The following CCDC192 variants were observed in gnomAD, a reference collection of about 807,000 sequenced individuals.
CCDC192 encodes the protein coiled-coil domain-containing protein 192.
chr5:127,831,711 T>C (rs1749805636), intron 5 of CCDC192, among the ~76,000 whole-genome samples: 1 of 152,006 alleles, frequency 6.6e-6, no homozygotes, highest in African/African-American at 2.4e-5. Context: ...TTCATTAATA[T>C]AAACATAATT....
chr5:127,795,309 AAC>A (rs1354234927), intron 3 of CCDC192, among the ~76,000 whole-genome samples: 19 of 151,688 alleles, frequency 1.3e-4, no homozygotes, highest in East Asian at 3.9e-4. Context: ...AAAAAAAAAA[AAC>A]AATTTGGTAA....
intron 3 of CCDC192, among the ~76,000 whole-genome samples, chr5:127,772,945 T>C (rs1467404642): frequency 6.6e-6 from 1 of 152,138 alleles, no homozygotes; most frequent in Non-Finnish European, 1.5e-5. Flanking sequence ...ATCTGGCAGC[T>C]TCTGTTTTTT....
At chr5:127,857,988 C>T (rs1417349405) in intron 5 of CCDC192, among the ~76,000 whole-genome samples, 1 of 152,144 alleles carries the variant, frequency 6.6e-6, no homozygotes. Context: ...ATAAAGTTAA[C>T]CGTCATGCAG....
chr5:127,777,380 G>A (rs780524080), intron 3 of CCDC192, among the ~76,000 whole-genome samples: 6 of 152,164 alleles, frequency 3.9e-5, no homozygotes, highest in Admixed American at 6.5e-5. Context: ...TGTATTTATC[G>A]AATGCTTGTA....
intron 3 of CCDC192, chr5:127,785,386 C>T (rs972493354): frequency 7.2e-6 from 3 of 419,446 alleles, no homozygotes; most frequent in Admixed American, 2.9e-5. Flanking sequence ...TTGAATTGCT[C>T]ATTCAGATCT....
At chr5:127,755,821 G>A (rs1238164135) in intron 3 of CCDC192, among the ~76,000 whole-genome samples, 1 of 151,362 alleles carries the variant, frequency 6.6e-6, no homozygotes, top group Non-Finnish European at 1.5e-5. Context: ...TAATCAAATG[G>A]CTTTTAATGA....
intron 3 of CCDC192, among the ~76,000 whole-genome samples, chr5:127,757,831 ATGTGTG>A (rs150942058): frequency 1.6e-4 from 22 of 139,300 alleles, no homozygotes; most frequent in Non-Finnish European, 2.5e-4. Context: ...ATCTGTGTGT[ATGTGTG>A]TGTGTGTGTG....
At chr5:127,707,312 TAGAG>T (rs72043498) in intron 1 of CCDC192, among the ~76,000 whole-genome samples, 8,400 of 151,606 alleles carry the variant, frequency 0.055, 532 homozygotes, top group East Asian at 0.27. Flanking sequence ...ATCCAGGAGA[TAGAG>T]AGAGAAGAGA....
chr5:127,898,710 C>A (rs981279740), intron 6 of CCDC192, among the ~76,000 whole-genome samples: 7 of 152,074 alleles, frequency 4.6e-5, no homozygotes, highest in Non-Finnish European at 4.4e-5. Flanking sequence ...CCGTTCCCAT[C>A]CCTGCATGGT....
At chr5:127,846,771 T>C (rs1422380290) in intron 5 of CCDC192, among the ~76,000 whole-genome samples, 2 of 129,142 alleles carry the variant, frequency 1.5e-5, no homozygotes, top group African/African-American at 3.0e-5. Context: ...CGCTTGGCCA[T>C]AGTGCCTATT....
At chr5:127,812,770 A>G (rs1460014920) in intron 5 of CCDC192, among the ~76,000 whole-genome samples, 1 of 152,198 alleles carries the variant, frequency 6.6e-6, no homozygotes, top group African/African-American at 2.4e-5. Context: ...TGCTTTAGGC[A>G]GAGGTCAATG....
chr5:127,872,486 G>A (rs905389704), intron 5 of CCDC192, among the ~76,000 whole-genome samples: 2 of 152,144 alleles, frequency 1.3e-5, no homozygotes, highest in Non-Finnish European at 2.9e-5. Context: ...TCGGGGAGCT[G>A]GAGAAAGCCA....
intron 2 of CCDC192, among the ~76,000 whole-genome samples, chr5:127,751,609 C>T (rs1370451041): frequency 6.6e-6 from 1 of 152,066 alleles, no homozygotes; most frequent in Non-Finnish European, 1.5e-5. Context: ...TTGCTCTTCT[C>T]GAGGAGTATC....
intron 3 of CCDC192, chr5:127,785,229 G>T: frequency 1.9e-6 from 1 of 518,122 alleles, no homozygotes; most frequent in South Asian, 1.4e-5. Context: ...TGTGACAGCT[G>T]GCATAGAAAG....
intron 6 of CCDC192, among the ~76,000 whole-genome samples, chr5:127,893,003 G>C (rs768210480): frequency 5.3e-5 from 8 of 152,118 alleles, no homozygotes; most frequent in Non-Finnish European, 1.2e-4. Context: ...AGCCAGGATC[G>C]GAGATATCTG....
intron 2 of CCDC192, among the ~76,000 whole-genome samples, chr5:127,748,941 T>G (rs1423116905): frequency 6.6e-6 from 1 of 152,090 alleles, no homozygotes; most frequent in Non-Finnish European, 1.5e-5. Flanking sequence ...ATGCCTGTGA[T>G]TTTTGCACAT....
chr5:127,737,079 T>A (rs1753056062), intron 2 of CCDC192, among the ~76,000 whole-genome samples: 1 of 151,636 alleles, frequency 6.6e-6, no homozygotes, highest in Admixed American at 6.6e-5. Flanking sequence ...TGCTATAAAT[T>A]TCCCTCTACA....
At chr5:127,875,361 G>A (rs1459829864) in intron 5 of CCDC192, among the ~76,000 whole-genome samples, 177 bp from the exon 6 acceptor site, 9 of 152,092 alleles carry the variant, frequency 5.9e-5, no homozygotes, top group Non-Finnish European at 1.3e-4. Context: ...CAAACACTCT[G>A]ACAGGAGCAC....
At chr5:127,898,928 G>A (rs1752967631) in intron 6 of CCDC192, among the ~76,000 whole-genome samples, 1 of 152,132 alleles carries the variant, frequency 6.6e-6, no homozygotes, top group South Asian at 2.1e-4. Flanking sequence ...GTGAACAAGG[G>A]TCCCTAACCT....
Sources: gnomAD v4.1 joint callset for allele counts (sites outside exome capture counted in the v4.1 genomes callset) on GRCh38, gnomAD v4.1.1 for gene constraint, MANE v1.5 for transcripts, NCBI Gene and HGNC (gene_info 2026-07-23, HGNC 2026-07-21) for gene names.